FCHSD2: variants seen among roughly 807,000 people sequenced by gnomAD.
The protein encoded by FCHSD2 is FCH and double SH3 domains 2, also known as F-BAR and double SH3 domains protein 2.
FCHSD2 carries 38 observed loss-of-function variants against 108.1 expected under a neutral mutation model. That is an observed-to-expected ratio of 0.35 (90% CI 0.27 to 0.46). The LOEUF (loss-of-function observed/expected upper bound fraction) is 0.46, where lower values mean the gene tolerates loss of function less well. Ranked by LOEUF, FCHSD2 falls within the 20% of genes least tolerant of loss-of-function variation. FCHSD2 has a pLI of 1.00. For synonymous variants in FCHSD2, 279 were observed against 314.7 expected (o/e 0.89, Z 1.20); for missense variants, 751 against 897.8 (o/e 0.84, Z 2.09).
chr11:72,915,805 A>G (rs945705249), intron 9 of FCHSD2, among the ~76,000 whole-genome samples: 1 of 152,184 alleles, frequency 6.6e-6, no homozygotes, highest in Non-Finnish European at 1.5e-5. Flanking sequence ...GTGACAGAGC[A>G]AGACTCTGCC....
chr11:72,921,747 G>A lies in FCHSD2; in HGVS notation c.828+81C>T, dbSNP rs1305904729. 7.1e-5 allele frequency: 82 copies of A among 1,154,106 alleles called. 2 individuals are homozygous for A. In the Admixed American group the frequency reaches 1.6e-3, roughly 23 times the overall value. The allele number at this position is 1,154,106 out of a possible 1,614,324, so 71.5% of individuals were successfully genotyped here. On this transcript the variant is annotated intron_variant, in intron 9 of 19. Coordinates refer to ENST00000409418, the MANE Select transcript of FCHSD2 (RefSeq NM_014824.3). ...TTAATGCATTCTTCTAATATCACTA[G>A]TACCTTCATTTTCTTTGTATGCAGA... is the stretch of plus-strand genomic sequence containing the variant.
At chr11:72,876,876 T>C (rs185081838) in intron 12 of FCHSD2, among the ~76,000 whole-genome samples, 2 of 152,350 alleles carry the variant, frequency 1.3e-5, no homozygotes, top group Admixed American at 6.5e-5. Context: ...GATTTTAATA[T>C]ATTCATGATG....
intron 8 of FCHSD2, among the ~76,000 whole-genome samples, chr11:72,926,444 T>C (rs1303511025): frequency 6.6e-6 from 1 of 152,108 alleles, no homozygotes; most frequent in Admixed American, 6.5e-5. Flanking sequence ...GATGGCCAGC[T>C]GCAGAGAGGA....
chr11:73,079,691 T>C (rs146684346), intron 3 of FCHSD2, among the ~76,000 whole-genome samples: 129 of 152,258 alleles, frequency 8.5e-4, no homozygotes, highest in Middle Eastern at 3.4e-3. Flanking sequence ...AAAGAGAGGA[T>C]AGAAATATCT....
chr11:72,991,407 A>C (rs1004072711), intron 5 of FCHSD2, among the ~76,000 whole-genome samples: 1 of 152,148 alleles, frequency 6.6e-6, no homozygotes. Context: ...GTGACACAAC[A>C]AAAAAAGAGA....
chr11:72,855,475 C>CA (rs369816755), intron 13 of FCHSD2, among the ~76,000 whole-genome samples: 49 of 145,348 alleles, frequency 3.4e-4, no homozygotes, highest in Middle Eastern at 6.9e-3. Flanking sequence ...GACTCCATCT[C>CA]AAAAAAAAAA....
At chr11:72,900,539 G>A (rs948489184) in intron 10 of FCHSD2, among the ~76,000 whole-genome samples, 1 of 152,040 alleles carries the variant, frequency 6.6e-6, no homozygotes, top group African/African-American at 2.4e-5. Flanking sequence ...CATCAAATTA[G>A]TCATAATTTT....
chr11:73,013,649 A>G (rs1857908458), intron 4 of FCHSD2, among the ~76,000 whole-genome samples: 1 of 152,200 alleles, frequency 6.6e-6, no homozygotes, highest in Non-Finnish European at 1.5e-5. Context: ...TACCTCACAG[A>G]GCTGTTCTGA....
chr11:72,995,404 TAAG>T (rs1402049433), intron 5 of FCHSD2, among the ~76,000 whole-genome samples: 1 of 152,006 alleles, frequency 6.6e-6, no homozygotes, highest in African/African-American at 2.4e-5. Flanking sequence ...ATTTTGATAT[TAAG>T]AACCAAAAAC....
intron 9 of FCHSD2, among the ~76,000 whole-genome samples, chr11:72,906,099 T>G (rs915045025): frequency 2.0e-5 from 3 of 152,204 alleles, no homozygotes; most frequent in African/African-American, 7.2e-5. Flanking sequence ...CTCCAGCATC[T>G]GTTGTTTCCT....
intron 4 of FCHSD2, among the ~76,000 whole-genome samples, chr11:73,004,727 A>G (rs546323657): frequency 6.6e-6 from 1 of 152,344 alleles, no homozygotes; most frequent in Admixed American, 6.5e-5. Context: ...CTGGAGAAAA[A>G]GATAATTACG....
intron 13 of FCHSD2, among the ~76,000 whole-genome samples, chr11:72,850,133 G>C (rs908991630): frequency 3.0e-4 from 39 of 131,422 alleles, no homozygotes; most frequent in African/African-American, 1.0e-3. Flanking sequence ...GCGTGATCTT[G>C]GCTCACTGCA....
At chr11:72,903,535 G>C (rs560009035) in intron 9 of FCHSD2, among the ~76,000 whole-genome samples, 25 of 151,980 alleles carry the variant, frequency 1.6e-4, no homozygotes, top group Middle Eastern at 3.4e-3. Flanking sequence ...TTCTATAAAA[G>C]GAGAATTCTG....
chr11:72,864,151 T>C (rs1400127765), intron 13 of FCHSD2, among the ~76,000 whole-genome samples: 1 of 152,172 alleles, frequency 6.6e-6, no homozygotes, highest in African/African-American at 2.4e-5. Context: ...GCACATTAGT[T>C]GGGGAAAGTG....
chr11:72,929,567 C>A (rs537928274), intron 8 of FCHSD2, among the ~76,000 whole-genome samples: 1 of 152,092 alleles, frequency 6.6e-6, no homozygotes, highest in Non-Finnish European at 1.5e-5. Context: ...TTGCTCCAGC[C>A]CCCTGCCTTA....
At chr11:73,007,255 T>C (rs946367882) in intron 4 of FCHSD2, among the ~76,000 whole-genome samples, 1 of 152,214 alleles carries the variant, frequency 6.6e-6, no homozygotes, top group African/African-American at 2.4e-5. Context: ...CTGTGAACGA[T>C]TTCTTTTATG....
intron 8 of FCHSD2, among the ~76,000 whole-genome samples, chr11:72,941,797 G>C (rs1177903847): frequency 6.6e-6 from 1 of 152,014 alleles, no homozygotes; most frequent in Admixed American, 6.6e-5. Flanking sequence ...CAAATGAAAA[G>C]TATTAACCAA....
chr11:73,084,684 G>A (rs533571332), intron 2 of FCHSD2, among the ~76,000 whole-genome samples: 1 of 152,200 alleles, frequency 6.6e-6, no homozygotes, highest in Admixed American at 6.5e-5. Context: ...ATGGGCCAAC[G>A]TGCTTAGCCA....
At chr11:73,118,307 A>T (rs1860652102) in intron 2 of FCHSD2, among the ~76,000 whole-genome samples, 1 of 152,206 alleles carries the variant, frequency 6.6e-6, no homozygotes, top group African/African-American at 2.4e-5. Flanking sequence ...TGACAGAGCA[A>T]GACTCCATCT....
Sources: gnomAD v4.1 joint callset for allele counts (sites outside exome capture counted in the v4.1 genomes callset) on GRCh38, gnomAD v4.1.1 for gene constraint, MANE v1.5 for transcripts, NCBI Gene and HGNC (gene_info 2026-07-23, HGNC 2026-07-21) for gene names.